Variants in MMP2 observed in about 807,000 individuals in gnomAD.
MMP2 encodes the protein matrix metallopeptidase 2.
MMP2 carries 39 observed loss-of-function variants against 74.8 expected under a neutral mutation model. That is an observed-to-expected ratio of 0.52 (90% CI 0.40 to 0.68). The LOEUF (loss-of-function observed/expected upper bound fraction) is 0.68, where lower values mean the gene tolerates loss of function less well. MMP2 is among the 30% of genes least tolerant of loss of function. The pLI is 0.00. For missense variants in MMP2, 803 were observed against 878.3 expected, an observed-to-expected ratio of 0.91 and a Z score of 1.08; for synonymous variants, 367 against 339.8, an observed-to-expected ratio of 1.08 and a Z score of -0.88.
chr16:55,491,806 A>C lies in MMP2; in HGVS notation c.1186A>C (p.Ser396Arg). 2 of 1,614,170 alleles carry C rather than the reference A, an allele frequency of 1.2e-6. No homozygotes were observed. The highest frequency in any genetic ancestry group is 1.7e-6 in the Non-Finnish European group (2 of 1,180,030). Residue 396 changes from serine (S) to arginine (R), a missense_variant, in exon 8 of 13, where the codon AGC (serine) becomes CGC (arginine). This residue lies in a region of MMP2 where 555 missense variants were observed against 592.0 expected (regional missense o/e 0.94). Coordinates refer to ENST00000219070, the MANE Select transcript of MMP2 (RefSeq NM_004530.6). ...CTCCTCCCTGCAACCCTCAGGGTAC[A>C]GCCTGTTCCTCGTGGCAGCCCACGA... The part of the protein sequence containing the change: ...KWGFCPDQGY[S>R]LFLVAAHEFG...
At chr16:55,495,486 A>G (rs1432678353) in intron 9 of MMP2, among the ~76,000 whole-genome samples, 1 of 152,256 alleles carries the variant, frequency 6.6e-6, no homozygotes, top group Non-Finnish European at 1.5e-5. Context: ...GTCATGAAGG[A>G]CAGTATTGCA....
chr16:55,483,140 C>CG lies in MMP2; in HGVS notation c.380+9dup. 6.2e-7 allele frequency: 1 copy of CG among 1,610,894 alleles called. No homozygotes were observed. The highest frequency in any genetic ancestry group is 8.5e-7 in the Non-Finnish European group (1 of 1,177,334). On this transcript the variant is annotated splice_donor_region_variant and intron_variant, in intron 2 of 12. Coordinates refer to ENST00000219070, the MANE Select transcript of MMP2 (RefSeq NM_004530.6). The stretch of plus-strand genomic sequence containing the variant: ...CAAGAACCAGATCACATACAGGTGC[C>CG]GGGGCAGGGCTTGGGGAGGCAGGGC...
intron 5 of MMP2, chr16:55,487,965 G>T (rs141917951): frequency 6.3e-6 from 1 of 159,378 alleles, no homozygotes; most frequent in East Asian, 1.9e-4. Flanking sequence ...AGCTTTCTGT[G>T]TATGCGTGTG....
chr16:55,493,282 C>T lies in MMP2; in HGVS notation c.1461C>T (p.Phe487=). ...GIAQIRGEIF[F]FKDRFIWRTV... is the part of the protein sequence containing the mutation. ...CTCAGATCCGTGGTGAGATCTTCTT[C>T]TTCAAGGACCGGTGAGTGCAGGAGC... The change falls in exon 9 of 13, where the codon TTC becomes TTT. Residue 487 remains phenylalanine, a synonymous_variant. Coordinates refer to ENST00000219070, the MANE Select transcript of MMP2 (RefSeq NM_004530.6). The T allele has an allele frequency of 6.2e-7, 1 of 1,614,178 alleles. No homozygotes were observed. Among genetic ancestry groups the T allele is most frequent in the Non-Finnish European group, 8.5e-7 (1 of 1,180,022 alleles).
In MMP2 at chr16:55,482,982, A is replaced by T. The variant is rs1277862559; in HGVS notation, c.227A>T (p.Lys76Met). 6.2e-7 allele frequency: 1 copy of T among 1,614,220 alleles called. No individual in the cohort carries two copies. Residue 76 changes from lysine to methionine, a missense_variant, in exon 2 of 13, where the codon AAG becomes ATG. Transcript: ENST00000219070. ...NLFVLKDTLK[K>M]MQKFFGLPQT... ...TTTGTGCTGAAGGACACACTAAAGAAGATGCAGAAGTTCTTTGGACTGCCC... is the reference window on the plus strand; with the variant it reads ...TTTGTGCTGAAGGACACACTAAAGATGATGCAGAAGTTCTTTGGACTGCCC...
At chr16:55,504,683 C>T (rs543802948) in intron 12 of MMP2, among the ~76,000 whole-genome samples, 53 of 145,978 alleles carry the variant, frequency 3.6e-4, no homozygotes, top group African/African-American at 1.3e-3. Flanking sequence ...GACAGAGTCT[C>T]CCTCTGTCGC....
intron 9 of MMP2, 58 bp downstream of exon 9, chr16:55,493,351 A>G (rs1192651737): frequency 2.5e-6 from 4 of 1,608,986 alleles, no homozygotes; most frequent in Non-Finnish European, 3.4e-6. Context: ...CTCTTATACC[A>G]TTATTCTTTT....
At position 55,493,301 on chromosome 16, in the gene MMP2, C is replaced by T; in HGVS notation, c.1472+8C>T. On this transcript the variant is annotated splice_region_variant and intron_variant, in intron 9 of 12. Coordinates refer to ENST00000219070, the MANE Select transcript of MMP2 (RefSeq NM_004530.6). ...CTTCTTCTTCAAGGACCGGTGAGTGCAGGAGCTTGCTTCTTGTCCTCCTTG... is the reference window on the plus strand; with the variant it reads ...CTTCTTCTTCAAGGACCGGTGAGTGTAGGAGCTTGCTTCTTGTCCTCCTTG... The T allele has an allele frequency of 6.2e-7, 1 of 1,614,146 alleles. No homozygotes were observed. Among genetic ancestry groups the T allele is most frequent in the African/African-American group, 1.3e-5 (1 of 75,066 alleles).
At chr16:55,502,017 C>T (rs1962678580) in intron 11 of MMP2, among the ~76,000 whole-genome samples, 1 of 152,192 alleles carries the variant, frequency 6.6e-6, no homozygotes, top group Non-Finnish European at 1.5e-5. Flanking sequence ...GGGAGAAGAA[C>T]ATACTAACCG....
At chr16:55,484,304 T>C (rs1962185926) in intron 3 of MMP2, 140 bp downstream of exon 3, 1 of 989,118 alleles carries the variant, frequency 1.0e-6, no homozygotes, top group Non-Finnish European at 1.5e-6. Context: ...GGGGGTGGTT[T>C]AGATGGGGGC....
chr16:55,484,402 G>A (rs953293500), intron 3 of MMP2, among the ~76,000 whole-genome samples: 5 of 152,146 alleles, frequency 3.3e-5, no homozygotes, highest in East Asian at 3.9e-4. Flanking sequence ...GTCTAAACCC[G>A]AAGCAAGTGG....
intron 1 of MMP2, chr16:55,479,897 G>C: frequency 2.0e-6 from 1 of 506,688 alleles, no homozygotes; most frequent in Admixed American, 3.5e-5. Flanking sequence ...CAGAGAGTGG[G>C]AGAGGGGTGA....
At chr16:55,502,718 G>C (rs1216656036) in intron 11 of MMP2, 61 bp from the exon 12 acceptor site, 2 of 1,482,744 alleles carry the variant, frequency 1.3e-6, no homozygotes, top group African/African-American at 1.4e-5. Context: ...TCCCATCCAG[G>C]CCAGGGGGGA....
chr16:55,479,744 G>A, intron 1 of MMP2, 112 bp downstream of exon 1: 1 of 1,414,378 alleles, frequency 7.1e-7, no homozygotes. Flanking sequence ...TGGGGGAGGG[G>A]CTTCGGTAAA....
At position 55,488,627 on chromosome 16, in the gene MMP2, C is replaced by A. The variant is rs1189875422; in HGVS notation, c.917C>A (p.Thr306Asn). ...RFQGTSYDSC[T>N]TEGRTDGYRW... Reference sequence around the variant, plus strand: ...CAGGGCACATCCTATGACAGCTGCACCACTGAGGGCCGCACGGATGGCTAC... The same window carrying A: ...CAGGGCACATCCTATGACAGCTGCAACACTGAGGGCCGCACGGATGGCTAC... Residue 306 changes from threonine to asparagine, a missense_variant, in exon 6 of 13, where the codon ACC becomes AAC. Around this residue, in one of 3 missense-constraint regions of MMP2, gnomAD observed 555 missense variants for 592.0 expected, o/e 0.94. Transcript: ENST00000219070. 1 of 1,613,894 alleles carries A rather than the reference C, an allele frequency of 6.2e-7. No individual in the cohort carries two copies. The highest frequency in any genetic ancestry group is 1.1e-5 in the South Asian group (1 of 91,018).
intron 6 of MMP2, among the ~76,000 whole-genome samples, chr16:55,489,318 C>T (rs1486558266): frequency 1.3e-5 from 2 of 152,232 alleles, no homozygotes; most frequent in Non-Finnish European, 2.9e-5. Flanking sequence ...TCCCTTTGCC[C>T]CTAGCCCATC....
intron 11 of MMP2, among the ~76,000 whole-genome samples, chr16:55,502,498 T>C (rs1419140998): frequency 6.6e-6 from 1 of 152,214 alleles, no homozygotes; most frequent in African/African-American, 2.4e-5. Flanking sequence ...GTTAACACAC[T>C]GTTTGGCATG....
intron 3 of MMP2, among the ~76,000 whole-genome samples, chr16:55,484,572 C>T (rs1320421335): frequency 3.3e-5 from 5 of 152,194 alleles, no homozygotes; most frequent in African/African-American, 9.6e-5. Flanking sequence ...TTGGACAGCA[C>T]AGACAAAGAA....
At chr16:55,485,508 G>A (rs1962222090) in intron 4 of MMP2, 81 bp downstream of exon 4, 1 of 1,612,758 alleles carries the variant, frequency 6.2e-7, no homozygotes. Flanking sequence ...AGAGAGGTGG[G>A]AGGGGAGGAA....
Sources: gnomAD v4.1 joint callset for allele counts (sites outside exome capture counted in the v4.1 genomes callset) on GRCh38, gnomAD v4.1.1 for gene constraint, gnomAD v4.1.1 regional missense constraint, MANE v1.5 for transcripts, NCBI Gene and HGNC (gene_info 2026-07-23, HGNC 2026-07-21) for gene names.